NLRP3: variants seen among roughly 807,000 people sequenced by gnomAD.
The protein encoded by NLRP3 is NACHT, LRR and PYD domains-containing protein 3.
In NLRP3, 48 loss-of-function variants were observed where a neutral mutation model predicts 91.3. The observed-to-expected ratio is 0.53, with a 90% CI of 0.42 to 0.67. NLRP3 has a LOEUF of 0.67. NLRP3 is among the 30% of genes least tolerant of loss of function. The pLI is 0.00. For synonymous variants in NLRP3, 561 were observed against 507.9 expected (o/e 1.10, Z -1.41); for missense variants, 982 against 1,276.9 (o/e 0.77, Z 3.52).
rs186013529 is a variant in NLRP3, at chr1:247,448,773, G to C, written c.*269G>C. 2.5e-4 allele frequency: 128 copies of C among 509,952 alleles called. No homozygotes were observed. Among genetic ancestry groups the C allele is most frequent in the African/African-American group, 2.3e-3 (121 of 52,156 alleles). 31.6% of individuals were successfully genotyped at this position (509,952 alleles called of 1,614,324 possible). A position where few individuals can be genotyped will look rare whatever the true frequency, so the allele number is the denominator to read the frequency against. On this transcript the variant is annotated 3_prime_UTR_variant, in exon 10 of 10. Coordinates refer to ENST00000336119, the MANE Select transcript of NLRP3 (RefSeq NM_001243133.2). Reference sequence around the variant, plus strand: ...TCAGTTAGAGGATGTTCCTCTTGGTGACCTCATGTAATTAGCTCATTCAAT... The same window carrying C: ...TCAGTTAGAGGATGTTCCTCTTGGTCACCTCATGTAATTAGCTCATTCAAT...
At chr1:247,428,103 C>T (rs1262937386) in intron 4 of NLRP3, among the ~76,000 whole-genome samples, 1 of 150,730 alleles carries the variant, frequency 6.6e-6, no homozygotes, top group East Asian at 2.0e-4. Context: ...TAGCACCTTC[C>T]TTCCTCAGGA....
At chr1:247,427,054 C>T (rs780071273) in intron 4 of NLRP3, among the ~76,000 whole-genome samples, 1 of 152,176 alleles carries the variant, frequency 6.6e-6, no homozygotes, top group African/African-American at 2.4e-5. Context: ...GAAGGTTCAC[C>T]TTACGGTTCT....
chr1:247,427,119 C>T (rs547976106), intron 4 of NLRP3, among the ~76,000 whole-genome samples: 3 of 152,192 alleles, frequency 2.0e-5, no homozygotes, highest in African/African-American at 7.2e-5. Context: ...TTGGTGAGGG[C>T]CTGTTCCCTG....
intron 5 of NLRP3, among the ~76,000 whole-genome samples, chr1:247,430,540 T>A (rs1021589717): frequency 1.3e-5 from 2 of 151,912 alleles, no homozygotes; most frequent in Non-Finnish European, 2.9e-5. Flanking sequence ...ACATGTAAAT[T>A]TTTGGGGGGG....
chr1:247,424,535 T>A lies in NLRP3; in HGVS notation c.1086T>A (p.His362Gln), dbSNP rs1429470625. The A allele has an allele frequency of 8.7e-6, 14 of 1,614,044 alleles. No individual in the cohort carries two copies. In the South Asian group the frequency reaches 1.5e-4, roughly 18 times the overall value. ...ALEKLQHLLD[H>Q]PRHVEILGFS... ...AGAAACTGCAGCACTTGCTGGACCATCCTCGGCATGTGGAGATCCTGGGTT... is the reference window on the plus strand; with the variant it reads ...AGAAACTGCAGCACTTGCTGGACCAACCTCGGCATGTGGAGATCCTGGGTT... Residue 362 changes from histidine to glutamine, a missense_variant, in exon 4 of 10, where the codon CAT becomes CAA. By Grantham distance (24) the His-to-Gln change is conservative. This residue lies in a region of NLRP3 where 548 missense variants were observed against 713.7 expected (regional missense o/e 0.77). Transcript: ENST00000336119. The surrounding 1 kb of genome is among the most constrained non-coding windows in gnomAD (Gnocchi z 8.1).
chr1:247,430,967 T>A (rs571928864), intron 5 of NLRP3, among the ~76,000 whole-genome samples: 1 of 151,766 alleles, frequency 6.6e-6, no homozygotes, highest in Non-Finnish European at 1.5e-5. Flanking sequence ...TGTGGTCTCA[T>A]CACGTTGCCC....
In NLRP3 at chr1:247,436,140, G is replaced by C. The variant is rs779698594; in HGVS notation, c.2663G>C (p.Gly888Ala). 3.1e-6 allele frequency: 5 copies of C among 1,613,932 alleles called. No individual in the cohort carries two copies. The East Asian group carries it at 8.9e-5, about 29-fold the overall frequency. ...KNPQCNLQKL[G>A]LVNSGLTSVC... ...CCACAGTGTAACCTGCAGAAACTGG[G>C]GTAAGTCTTCATGGGTGTCTTACCA... Residue 888 changes from glycine to alanine, a missense_variant and splice_region_variant, in exon 7 of 10, where the codon GGG (glycine) becomes GCG (alanine). Physicochemically the swap from Gly to Ala is moderately conservative, Grantham distance 60. Transcript: ENST00000336119.
At chr1:247,441,127 TTCTC>T (rs1212588479) in intron 7 of NLRP3, among the ~76,000 whole-genome samples, 90 of 127,136 alleles carry the variant, frequency 7.1e-4, no homozygotes, top group Admixed American at 1.6e-3. Flanking sequence ...CTTTTTCTTT[TTCTC>T]TTTCTTTCTT....
At chr1:247,437,689 T>C (rs1175772002) in intron 7 of NLRP3, among the ~76,000 whole-genome samples, 1 of 152,216 alleles carries the variant, frequency 6.6e-6, no homozygotes, top group Non-Finnish European at 1.5e-5. Context: ...AATCCTGTTT[T>C]CACAACCGTT....
In NLRP3 at chr1:247,418,670, G is replaced by A; in HGVS notation, c.-131G>A. 1 of 1,149,668 alleles carries A rather than the reference G, an allele frequency of 8.7e-7. No individual in the cohort carries two copies. The highest frequency in any genetic ancestry group is 1.3e-6 in the Non-Finnish European group (1 of 794,154). The allele number at this position is 1,149,668 out of a possible 1,614,324, so 71.2% of individuals were successfully genotyped here. A position where few individuals can be genotyped will look rare whatever the true frequency, so the allele number is the denominator to read the frequency against. On this transcript the variant is annotated 5_prime_UTR_variant, in exon 2 of 10. Coordinates refer to ENST00000336119, the MANE Select transcript of NLRP3 (RefSeq NM_001243133.2). ...ATGTGACATTTTTTTCTTTCTGTTT[G>A]CTGAGTTTTTGATAATTTATATCTC...
chr1:247,443,859 C>T lies in NLRP3; in HGVS notation c.2664-113C>T, dbSNP rs548546734. 1.3e-4 allele frequency: 134 copies of T among 1,011,392 alleles called. No homozygotes were observed. In the African/African-American group the frequency reaches 1.5e-3, roughly 11 times the overall value. The allele number at this position is 1,011,392 out of a possible 1,614,324, so 62.7% of individuals were successfully genotyped here. The stretch of plus-strand genomic sequence containing the variant: ...CATATCTGAGATGCTGGCTCCTGCT[C>T]TCTGAGCTGAAGGCTGCAGCTGCTG... On this transcript the variant is annotated intron_variant, in intron 7 of 9. Coordinates refer to ENST00000336119, the MANE Select transcript of NLRP3 (RefSeq NM_001243133.2).
At chr1:247,446,518 A>G (rs1444209838) in intron 9 of NLRP3, among the ~76,000 whole-genome samples, 1 of 151,970 alleles carries the variant, frequency 6.6e-6, no homozygotes, top group Non-Finnish European at 1.5e-5. Flanking sequence ...GCTGTTTTGC[A>G]AGAACACTGT....
At chr1:247,435,540 CG>C (rs1450080481) in intron 6 of NLRP3, among the ~76,000 whole-genome samples, 1 of 152,060 alleles carries the variant, frequency 6.6e-6, no homozygotes, top group African/African-American at 2.4e-5. Flanking sequence ...CAGGAAGAAA[CG>C]TGGTTGCAGG....
intron 2 of NLRP3, among the ~76,000 whole-genome samples, chr1:247,422,396 C>T (rs997499058): frequency 2.2e-5 from 3 of 134,318 alleles, no homozygotes; most frequent in African/African-American, 8.6e-5. Flanking sequence ...AAAAAAAAAT[C>T]ATTTATGTTA....
intron 9 of NLRP3, among the ~76,000 whole-genome samples, chr1:247,446,903 G>A (rs1664620294): frequency 6.6e-6 from 1 of 152,186 alleles, no homozygotes; most frequent in Non-Finnish European, 1.5e-5. Context: ...ACATAATGGA[G>A]CACATTTGCT....
intron 5 of NLRP3, among the ~76,000 whole-genome samples, chr1:247,433,847 T>G (rs79881253): frequency 0.038 from 2,493 of 65,438 alleles, 182 homozygotes; most frequent in East Asian, 0.13. Flanking sequence ...AGAGCTCTCT[T>G]GTCAGGTGTG....
intron 4 of NLRP3, among the ~76,000 whole-genome samples, chr1:247,426,106 C>T (rs571850933): frequency 1.3e-5 from 2 of 152,252 alleles, no homozygotes; most frequent in South Asian, 2.1e-4. Flanking sequence ...AGGAATTCTG[C>T]ACTGAAGACT....
At chr1:247,429,795 A>G (rs2103133143) in intron 5 of NLRP3, 40 bp downstream of exon 5, 1 of 1,606,778 alleles carries the variant, frequency 6.2e-7, no homozygotes, top group Non-Finnish European at 8.5e-7. Flanking sequence ...GTGCAAGTTC[A>G]TATGAGAGAG....
intron 2 of NLRP3, among the ~76,000 whole-genome samples, chr1:247,420,052 C>T (rs996348473): frequency 3.3e-5 from 5 of 152,228 alleles, no homozygotes; most frequent in Non-Finnish European, 7.3e-5. Flanking sequence ...TCCAATTTCT[C>T]CATATCCTAA....
Sources: allele counts gnomAD v4.1 joint callset (sites outside exome capture counted in the v4.1 genomes callset), GRCh38; gene constraint gnomAD v4.1.1; regional missense constraint gnomAD v4.1.1; non-coding constraint Gnocchi (gnomAD v3.1); transcripts MANE v1.5; gene names NCBI Gene and HGNC (gene_info 2026-07-23, HGNC 2026-07-21).